The following PGAP3 variants were observed in gnomAD, a reference collection of about 807,000 sequenced individuals.
PGAP3 encodes the protein GPI-specific phospholipase A2-like PGAP3.
In PGAP3, 31 loss-of-function variants were observed where a neutral mutation model predicts 40.3. That is an observed-to-expected ratio of 0.77 (90% CI 0.58 to 1.04). PGAP3 has a LOEUF of 1.04. Among genes scored for constraint, PGAP3 ranks in the 50% least tolerant of loss-of-function variants. The probability of loss-of-function intolerance (pLI) is 0.00; values close to 1 mark genes in which losing one functional copy is unlikely to be tolerated. For missense variants in PGAP3, 413 were observed against 423.0 expected, an observed-to-expected ratio of 0.98 and a Z score of 0.21; for synonymous variants, 191 against 184.5, an observed-to-expected ratio of 1.04 and a Z score of -0.29.
At chr17:39,673,010 G>T (rs1274148649) in intron 7 of PGAP3, 41 bp downstream of exon 7, 1 of 1,585,772 alleles carries the variant, frequency 6.3e-7, no homozygotes, top group Non-Finnish European at 8.6e-7. Flanking sequence ...GGCAAGGAAG[G>T]GTCCAAAGAA....
intron 3 of PGAP3, among the ~76,000 whole-genome samples, chr17:39,677,856 C>T (rs1351363000): frequency 1.3e-5 from 2 of 152,234 alleles, no homozygotes; most frequent in South Asian, 2.1e-4. Context: ...TTCGACCCGG[C>T]GCTAAGCCCC....
chr17:39,673,694 C>T, intron 5 of PGAP3, 44 bp from the exon 6 acceptor site: 2 of 1,607,194 alleles, frequency 1.2e-6, no homozygotes, highest in Non-Finnish European at 1.7e-6. Flanking sequence ...GTGGCCCATC[C>T]CCAGAGCAGC....
At chr17:39,686,049 T>C in intron 1 of PGAP3, 30 bp from the exon 2 acceptor site, 2 of 1,583,944 alleles carry the variant, frequency 1.3e-6, no homozygotes, top group Non-Finnish European at 1.7e-6. Context: ...CCTGGTGAAC[T>C]CCCCAGCACA....
At position 39,673,203 on chromosome 17, in the gene PGAP3, C is replaced by A. The variant is rs1362631088; in HGVS notation, c.747G>T (p.Arg249=). Residue 249 remains arginine (R), a synonymous_variant, in exon 7 of 8, where the codon CGG becomes CGT. Coordinates refer to ENST00000300658, the MANE Select transcript of PGAP3 (RefSeq NM_033419.5). The part of the protein sequence containing the change: ...WLAWCLWNQR[R]LPHVRKCVVV... ...CCACGCACTTGCGCACGTGAGGCAG[C>A]CGCCGCTGGTTCCACAGGCACCAGG... 6.4e-7 allele frequency: 1 copy of A among 1,569,498 alleles called. No homozygotes were observed. The highest frequency in any genetic ancestry group is 1.9e-5 in the Admixed American group (1 of 52,356).
At chr17:39,677,611 G>A (rs577126510) in intron 3 of PGAP3, among the ~76,000 whole-genome samples, 1 of 152,208 alleles carries the variant, frequency 6.6e-6, no homozygotes, top group Non-Finnish European at 1.5e-5. Flanking sequence ...GTGAAGGGGG[G>A]CAGGGAGGGG....
chr17:39,686,471 G>C (rs2057526759), intron 1 of PGAP3, among the ~76,000 whole-genome samples: 2 of 151,342 alleles, frequency 1.3e-5, no homozygotes, highest in Admixed American at 1.3e-4. Flanking sequence ...GGTCAGGGTG[G>C]TCTTGAACTC....
chr17:39,674,078 G>C (rs2057345512), intron 4 of PGAP3, 24 bp from the exon 5 acceptor site: 3 of 1,609,872 alleles, frequency 1.9e-6, no homozygotes, highest in Non-Finnish European at 2.6e-6. Context: ...AGGGTGGTGA[G>C]GGACCAGCAT....
chr17:39,676,029 T>G (rs1357003183), intron 3 of PGAP3, among the ~76,000 whole-genome samples: 1 of 152,108 alleles, frequency 6.6e-6, no homozygotes, highest in Non-Finnish European at 1.5e-5. Flanking sequence ...GCTTCCTCCT[T>G]TGAGGATGGC....
rs917261815 is a variant in PGAP3, at chr17:39,672,056, G to T, written c.*747C>A. 6.5e-6 allele frequency: 1 copy of T among 153,028 alleles called. No individual in the cohort carries two copies. Among genetic ancestry groups the T allele is most frequent in the Non-Finnish European group, 1.5e-5 (1 of 68,436 alleles). 9.5% of individuals were successfully genotyped at this position (153,028 alleles called of 1,614,324 possible). On this transcript the variant is annotated 3_prime_UTR_variant, in exon 8 of 8. Coordinates refer to ENST00000300658, the MANE Select transcript of PGAP3 (RefSeq NM_033419.5). The stretch of plus-strand genomic sequence containing the variant: ...GTCTCCACACTGCGCACCTAGGCCT[G>T]AGCTCACACACACCCAGGCCCATGC...
intron 3 of PGAP3, among the ~76,000 whole-genome samples, chr17:39,681,534 G>A (rs550567906): frequency 8.6e-5 from 13 of 152,002 alleles, no homozygotes; most frequent in African/African-American, 1.7e-4. Flanking sequence ...CTGAGACGGA[G>A]TTTCACTGTT....
chr17:39,676,451 A>G (rs2941505), intron 3 of PGAP3, among the ~76,000 whole-genome samples: 89,984 of 151,942 alleles, frequency 0.59, 27,673 homozygotes, highest in South Asian at 0.7. Flanking sequence ...GGGCAAACAT[A>G]TGCGTAGGGC....
intron 3 of PGAP3, among the ~76,000 whole-genome samples, chr17:39,677,262 A>T (rs2057385966): frequency 6.6e-6 from 1 of 152,136 alleles, no homozygotes; most frequent in Non-Finnish European, 1.5e-5. Flanking sequence ...GTAGGTGCCC[A>T]TCAATGTCAG....
chr17:39,671,197 C>G lies in PGAP3; in HGVS notation c.*1606G>C, dbSNP rs914126678. 1.3e-5 allele frequency: 2 copies of G among 152,382 alleles called. No homozygotes were observed. The highest frequency in any genetic ancestry group is 6.5e-5 in the Admixed American group (1 of 15,286). The allele number at this position is 152,382 out of a possible 1,614,324, so 9.4% of individuals were successfully genotyped here. On this transcript the variant is annotated 3_prime_UTR_variant, in exon 8 of 8. Coordinates refer to ENST00000300658, the MANE Select transcript of PGAP3 (RefSeq NM_033419.5). ...TAAAAGTTTTCAGTATCAAAAGAAGCTAGCGCAGGCCACCCGAGTCCCTGA... is the reference window on the plus strand; with the variant it reads ...TAAAAGTTTTCAGTATCAAAAGAAGGTAGCGCAGGCCACCCGAGTCCCTGA...
At chr17:39,686,555 A>ATTTTTTT (rs35277523) in intron 1 of PGAP3, among the ~76,000 whole-genome samples, 2 of 98,514 alleles carry the variant, frequency 2.0e-5, no homozygotes, top group African/African-American at 4.2e-5. Context: ...CGCACCCGGC[A>ATTTTTTT]TTTTTTTTTT....
chr17:39,674,906 G>A (rs1597814607), intron 3 of PGAP3, among the ~76,000 whole-genome samples: 1 of 152,166 alleles, frequency 6.6e-6, no homozygotes, highest in South Asian at 2.1e-4. Context: ...GGCCACGGGG[G>A]GCTGCAGCCT....
intron 3 of PGAP3, among the ~76,000 whole-genome samples, chr17:39,684,162 T>G: frequency 8.7e-6 from 1 of 115,204 alleles, no homozygotes; most frequent in Non-Finnish European, 1.8e-5. Context: ...AAGACTAGGC[T>G]GAGCTCTACA....
chr17:39,680,321 AC>A (rs1295482763), intron 3 of PGAP3, among the ~76,000 whole-genome samples: 1 of 152,202 alleles, frequency 6.6e-6, no homozygotes, highest in African/African-American at 2.4e-5. Flanking sequence ...TCATAAGGGT[AC>A]TATGAGGATG....
intron 2 of PGAP3, chr17:39,684,983 T>TG: frequency 2.0e-6 from 1 of 509,006 alleles, no homozygotes; most frequent in Non-Finnish European, 3.4e-6. Context: ...CCCTGATCTC[T>TG]GGGAAGACCA....
chr17:39,684,902 T>A, intron 2 of PGAP3, 153 bp from the exon 3 acceptor site: 1 of 885,474 alleles, frequency 1.1e-6, no homozygotes, highest in South Asian at 1.8e-5. Flanking sequence ...CTCTTCAGAC[T>A]AATGAGCCAC....
Sources: allele counts gnomAD v4.1 joint callset (sites outside exome capture counted in the v4.1 genomes callset), GRCh38; gene constraint gnomAD v4.1.1; transcripts MANE v1.5; gene names NCBI Gene and HGNC (gene_info 2026-07-23, HGNC 2026-07-21).